The following ZNF407 variants were observed in gnomAD, a reference collection of about 807,000 sequenced individuals.
ZNF407 encodes zinc finger protein 407.
In ZNF407, 17 loss-of-function variants were observed where a neutral mutation model predicts 131.2. The ratio of observed to expected loss-of-function variants is 0.13; its 90% CI spans 0.09 to 0.19. The LOEUF is 0.19. Among genes scored for constraint, ZNF407 ranks in the 10% least tolerant of loss-of-function variants. The probability of loss-of-function intolerance (pLI) is 1.00; values close to 1 mark genes in which losing one functional copy is unlikely to be tolerated. For synonymous variants in ZNF407, 1,156 were observed against 1,062.0 expected (o/e 1.09, Z -1.72); for missense variants, 2,681 against 2,830.6 (o/e 0.95, Z 1.20).
At chr18:74,664,996 A>G (rs1349526131) in intron 3 of ZNF407, among the ~76,000 whole-genome samples, 1 of 152,166 alleles carries the variant, frequency 6.6e-6, no homozygotes, top group African/African-American at 2.4e-5. Context: ...CAGCCACTTT[A>G]TTTCACCAGG....
chr18:74,802,667 A>G (rs1233496167), intron 4 of ZNF407, among the ~76,000 whole-genome samples: 6 of 152,286 alleles, frequency 3.9e-5, no homozygotes, highest in East Asian at 1.9e-4. Flanking sequence ...ATTTTGTGAA[A>G]TATTCTAAGT....
chr18:74,984,426 T>A (rs901404117), intron 8 of ZNF407, among the ~76,000 whole-genome samples: 2 of 152,264 alleles, frequency 1.3e-5, no homozygotes, highest in African/African-American at 4.8e-5. Context: ...TTATTATGTT[T>A]ACAATATATG....
intron 3 of ZNF407, among the ~76,000 whole-genome samples, chr18:74,743,445 TATG>T (rs1199882161): frequency 2.6e-5 from 4 of 152,116 alleles, no homozygotes; most frequent in African/African-American, 7.2e-5. Context: ...TGTAAGATAA[TATG>T]ATGGTAATGT....
chr18:75,064,796 T>G lies in ZNF407; in HGVS notation c.*328T>G, dbSNP rs749345524. ...CGCTGTGCTGAAGAGAAGCCAAGTG[T>G]TGTTGGTGTTTTTCTCTCCCAAGTG... On this transcript the variant is annotated 3_prime_UTR_variant, in exon 9 of 9. Transcript: ENST00000299687. 6.1e-5 allele frequency: 15 copies of G among 244,000 alleles called. No individual in the cohort carries two copies. Among genetic ancestry groups the G allele is most frequent in the Non-Finnish European group, 1.1e-4 (14 of 127,236 alleles). The allele number at this position is 244,000 out of a possible 1,614,324, so 15.1% of individuals were successfully genotyped here. A position where few individuals can be genotyped will look rare whatever the true frequency, so the allele number is the denominator to read the frequency against.
At chr18:74,693,829 C>T (rs1967287062) in intron 3 of ZNF407, among the ~76,000 whole-genome samples, 1 of 152,060 alleles carries the variant, frequency 6.6e-6, no homozygotes, top group South Asian at 2.1e-4. Context: ...CCCTATTTAC[C>T]TGTCTCTAGC....
At chr18:74,962,600 G>A (rs1329066515) in intron 8 of ZNF407, among the ~76,000 whole-genome samples, 3 of 152,282 alleles carry the variant, frequency 2.0e-5, no homozygotes, top group South Asian at 4.2e-4. Flanking sequence ...CTTGAACTAC[G>A]GGTATACGCC....
intron 2 of ZNF407, among the ~76,000 whole-genome samples, chr18:74,636,922 A>T (rs2144680729): frequency 6.6e-6 from 1 of 152,366 alleles, no homozygotes. Flanking sequence ...TTTTAGGAAT[A>T]AGACTTGTTC....
intron 6 of ZNF407, among the ~76,000 whole-genome samples, 164 bp downstream of exon 6, chr18:74,881,283 C>A (rs550391308): frequency 6.6e-6 from 1 of 152,196 alleles, no homozygotes; most frequent in Non-Finnish European, 1.5e-5. Context: ...AATTTTAAAT[C>A]ATCTCTTTTT....
At chr18:74,954,402 GATATT>G (rs1418508693) in intron 8 of ZNF407, among the ~76,000 whole-genome samples, 1 of 152,064 alleles carries the variant, frequency 6.6e-6, no homozygotes, top group Non-Finnish European at 1.5e-5. Flanking sequence ...TGTCAATACA[GATATT>G]ATATTAAGCT....
chr18:75,036,042 A>G (rs1973304540), intron 8 of ZNF407, among the ~76,000 whole-genome samples: 1 of 152,228 alleles, frequency 6.6e-6, no homozygotes, highest in East Asian at 1.9e-4. Flanking sequence ...GCTGGTGCCA[A>G]AAATAACGTG....
At chr18:74,606,620 G>A (rs1982820307) in intron 1 of ZNF407, among the ~76,000 whole-genome samples, 1 of 152,086 alleles carries the variant, frequency 6.6e-6, no homozygotes, top group South Asian at 2.1e-4. Flanking sequence ...TATTCTTTAT[G>A]TGACGACACA....
chr18:74,907,109 TTAA>T (rs1396277767), intron 7 of ZNF407, among the ~76,000 whole-genome samples: 2 of 152,256 alleles, frequency 1.3e-5, no homozygotes, highest in Non-Finnish European at 2.9e-5. Context: ...TTTTTTTAAC[TTAA>T]TAATGTATCC....
intron 4 of ZNF407, among the ~76,000 whole-genome samples, chr18:74,859,333 T>C: frequency 6.6e-6 from 1 of 152,198 alleles, no homozygotes; most frequent in Non-Finnish European, 1.5e-5. Context: ...TGAAAAAGAC[T>C]AGAAATACAT....
intron 4 of ZNF407, among the ~76,000 whole-genome samples, chr18:74,853,523 TTG>T (rs1484592598): frequency 1.3e-5 from 2 of 152,190 alleles, no homozygotes; most frequent in Non-Finnish European, 2.9e-5. Flanking sequence ...AGATTTTGGT[TTG>T]TAATTGAATA....
At chr18:74,899,085 G>A (rs149968034) in intron 7 of ZNF407, among the ~76,000 whole-genome samples, 51 of 152,326 alleles carry the variant, frequency 3.3e-4, no homozygotes, top group African/African-American at 1.2e-3. Flanking sequence ...CAGGAAGTCT[G>A]TGTGGGTTTC....
intron 3 of ZNF407, among the ~76,000 whole-genome samples, chr18:74,721,069 G>A (rs1968024678): frequency 6.6e-6 from 1 of 151,394 alleles, no homozygotes; most frequent in Non-Finnish European, 1.5e-5. Flanking sequence ...CATTAAATCT[G>A]TACATTTGCT....
At chr18:74,760,440 A>G (rs1969069378) in intron 3 of ZNF407, among the ~76,000 whole-genome samples, 1 of 152,132 alleles carries the variant, frequency 6.6e-6, no homozygotes, top group Non-Finnish European at 1.5e-5. Context: ...GAGCTTTTCT[A>G]AGCTTGTGTT....
chr18:74,697,521 A>T (rs947552968), intron 3 of ZNF407, among the ~76,000 whole-genome samples: 3 of 152,182 alleles, frequency 2.0e-5, no homozygotes, highest in African/African-American at 7.2e-5. Flanking sequence ...GTCAAATTTA[A>T]CATGGCTGTT....
At chr18:74,993,343 AT>A (rs150494912) in intron 8 of ZNF407, among the ~76,000 whole-genome samples, 167 of 152,338 alleles carry the variant, frequency 1.1e-3, no homozygotes, top group African/African-American at 3.8e-3. Flanking sequence ...GATGCACTAC[AT>A]TATGGATGAG....
Sources: allele counts gnomAD v4.1 joint callset (sites outside exome capture counted in the v4.1 genomes callset), GRCh38; gene constraint gnomAD v4.1.1; transcripts MANE v1.5; gene names NCBI Gene and HGNC (gene_info 2026-07-23, HGNC 2026-07-21).